Variants in PAX5 observed in about 807,000 individuals in gnomAD.
The protein encoded by PAX5 is paired box protein Pax-5.
Under a neutral mutation model 43.7 loss-of-function variants are expected in PAX5, and 9 were observed. That is an observed-to-expected ratio of 0.21 (90% CI 0.12 to 0.36). The LOEUF (loss-of-function observed/expected upper bound fraction) is 0.36. Among genes scored for constraint, PAX5 ranks in the 10% least tolerant of loss-of-function variants. The probability of loss-of-function intolerance (pLI) is 1.00; values close to 1 mark genes in which losing one functional copy is unlikely to be tolerated. For synonymous variants in PAX5, 228 were observed against 214.3 expected (o/e 1.06, Z -0.56); for missense variants, 383 against 532.7 (o/e 0.72, Z 2.77).
chr9:36,852,460 G>A (rs1466236198), intron 8 of PAX5, among the ~76,000 whole-genome samples: 1 of 152,220 alleles, frequency 6.6e-6, no homozygotes, highest in Non-Finnish European at 1.5e-5. Context: ...GGGGAGGGCT[G>A]CGTGGGAACT....
chr9:37,020,909 CA>C, intron 1 of PAX5, 108 bp from the exon 2 acceptor site: 1 of 1,197,610 alleles, frequency 8.3e-7, no homozygotes, highest in Non-Finnish European at 1.2e-6. Flanking sequence ...AAATGGCCGG[CA>C]GGCTGGATGT....
rs534031524 is a variant in PAX5, at chr9:36,954,799, T to C, written c.780+11750A>G. The stretch of plus-strand genomic sequence containing the variant: ...TCTTAGCTATTATTTCTTCAAATAT[T>C]GCCTCTTTTCTCTGTTTTTATTTTT... On this transcript the variant is annotated intron_variant, in intron 6 of 9. Coordinates refer to ENST00000358127, the MANE Select transcript of PAX5 (RefSeq NM_016734.3). Among the ~76,000 whole-genome samples, 30 of 152,316 alleles carry C rather than the reference T, an allele frequency of 2.0e-4. 1 individual carries two copies. In the South Asian group the frequency reaches 6.0e-3, roughly 30 times the overall value.
At chr9:37,017,669 A>G (rs2381595) in intron 2 of PAX5, among the ~76,000 whole-genome samples, 133,353 of 152,268 alleles carry the variant, frequency 0.88, 60,324 homozygotes, top group Non-Finnish European at 1. Context: ...GAGGGTGGCA[A>G]GCTGAAGGTC....
intron 7 of PAX5, among the ~76,000 whole-genome samples, chr9:36,916,725 T>A (rs1190159189): frequency 2.6e-5 from 4 of 152,108 alleles, no homozygotes; most frequent in Non-Finnish European, 5.9e-5. Flanking sequence ...CATTACATCA[T>A]CCAGGCTGGA....
chr9:37,020,453 C>T (rs886980682), intron 2 of PAX5, among the ~76,000 whole-genome samples, 183 bp downstream of exon 2: 8 of 152,160 alleles, frequency 5.3e-5, no homozygotes, highest in African/African-American at 1.9e-4. Context: ...CCACATGTCA[C>T]TAGAGACAGG....
chr9:37,006,835 C>T (rs929875748), intron 3 of PAX5, among the ~76,000 whole-genome samples: 8 of 152,232 alleles, frequency 5.3e-5, no homozygotes, highest in African/African-American at 1.9e-4. Context: ...GATGTGTTAA[C>T]ATTACGAGTA....
In PAX5 at chr9:37,014,980, A is replaced by G. The variant is rs1588232852; in HGVS notation, c.410+17T>C. ...ATCCCTCCAAATCCCCAACCCCCAC[A>G]GGCACGAGCCCCTCACCTGTTGATG... On this transcript the variant is annotated intron_variant, in intron 3 of 9. Coordinates refer to ENST00000358127, the MANE Select transcript of PAX5 (RefSeq NM_016734.3). 2.7e-5 allele frequency: 43 copies of G among 1,609,424 alleles called. No individual in the cohort carries two copies. In the East Asian group the frequency reaches 9.6e-4, roughly 36 times the overall value.
At chr9:37,008,306 G>A (rs543973235) in intron 3 of PAX5, among the ~76,000 whole-genome samples, 49 of 152,126 alleles carry the variant, frequency 3.2e-4, no homozygotes, top group Non-Finnish European at 6.0e-4. Context: ...GGCCCTCCTC[G>A]GCCTCCCAAA....
At chr9:36,963,186 G>C (rs964557048) in intron 6 of PAX5, among the ~76,000 whole-genome samples, 1 of 152,228 alleles carries the variant, frequency 6.6e-6, no homozygotes, top group African/African-American at 2.4e-5. Flanking sequence ...AAAACACTGG[G>C]TCAGTCATTA....
intron 1 of PAX5, among the ~76,000 whole-genome samples, chr9:37,027,360 G>A (rs1840499540): frequency 6.6e-6 from 1 of 152,222 alleles, no homozygotes; most frequent in Non-Finnish European, 1.5e-5. Flanking sequence ...CCAGGAACGG[G>A]GACACCAGCG....
Position 36,835,607 on chromosome 9 carries a change from G to A in PAX5, c.*4953C>T, listed in dbSNP as rs1417184074. The A allele has an allele frequency of 4.3e-6, 1 of 233,252 alleles. No homozygotes were observed. Among genetic ancestry groups the A allele is most frequent in the Non-Finnish European group, 8.5e-6 (1 of 118,070 alleles). The allele number at this position is 233,252 out of a possible 1,614,324, so 14.4% of individuals were successfully genotyped here. A position where few individuals can be genotyped will look rare whatever the true frequency, so the allele number is the denominator to read the frequency against. ...AGGTGGGGCACGCCGTGGGCTAGGA[G>A]TCGTGGCCTGACTGTCCAACTTTCC... On this transcript the variant is annotated 3_prime_UTR_variant, in exon 10 of 10. Transcript: ENST00000358127.
At chr9:36,951,019 G>A in intron 6 of PAX5, among the ~76,000 whole-genome samples, 1 of 152,146 alleles carries the variant, frequency 6.6e-6, no homozygotes, top group East Asian at 1.9e-4. Flanking sequence ...TGGGATTGCA[G>A]GCGTGAGCCA....
chr9:36,975,471 C>T (rs965652435), intron 5 of PAX5, among the ~76,000 whole-genome samples: 58 of 152,040 alleles, frequency 3.8e-4, no homozygotes, highest in Middle Eastern at 3.4e-3. Context: ...CTGCAAGCTC[C>T]GCCTCCCGGG....
intron 5 of PAX5, among the ~76,000 whole-genome samples, chr9:37,000,550 C>T (rs1837756715): frequency 6.6e-6 from 1 of 152,148 alleles, no homozygotes; most frequent in Non-Finnish European, 1.5e-5. Context: ...GTCAGGAGTC[C>T]AGGATGAGCC....
intron 8 of PAX5, among the ~76,000 whole-genome samples, chr9:36,878,281 T>G (rs1211569278): frequency 6.6e-6 from 1 of 152,166 alleles, no homozygotes; most frequent in African/African-American, 2.4e-5. Flanking sequence ...TTAGCCAACA[T>G]TCACAAAGAT....
chr9:36,942,513 C>A (rs1456666705), intron 6 of PAX5, among the ~76,000 whole-genome samples: 1 of 152,182 alleles, frequency 6.6e-6, no homozygotes, highest in Non-Finnish European at 1.5e-5. Flanking sequence ...CACACAGAGT[C>A]CCCCTCCATG....
intron 8 of PAX5, among the ~76,000 whole-genome samples, chr9:36,862,544 A>G (rs1218636949): frequency 6.6e-6 from 1 of 152,302 alleles, no homozygotes; most frequent in East Asian, 1.9e-4. Context: ...AGAGGCTGGC[A>G]CGTGGATCCA....
chr9:36,843,981 C>G (rs1014115923), intron 9 of PAX5, among the ~76,000 whole-genome samples: 3 of 152,236 alleles, frequency 2.0e-5, no homozygotes, highest in Admixed American at 6.5e-5. Flanking sequence ...GTTGTCCTGG[C>G]TGTGTCCCAT....
chr9:36,891,829 A>G (rs1048936348), intron 7 of PAX5, among the ~76,000 whole-genome samples: 3 of 152,220 alleles, frequency 2.0e-5, no homozygotes, highest in African/African-American at 7.2e-5. Flanking sequence ...TAAAGATCTA[A>G]TCTGGATTTG....
Sources: allele counts gnomAD v4.1 joint callset (sites outside exome capture counted in the v4.1 genomes callset), GRCh38; gene constraint gnomAD v4.1.1; transcripts MANE v1.5; gene names NCBI Gene and HGNC (gene_info 2026-07-23, HGNC 2026-07-21).